Variants in DLGAP2 observed in about 807,000 individuals in gnomAD.
DLGAP2 encodes the protein disks large-associated protein 2.
DLGAP2 carries 26 observed loss-of-function variants against 100.3 expected under a neutral mutation model. The observed-to-expected ratio is 0.26, with a 90% CI of 0.19 to 0.36. The LOEUF is 0.36. Ranked by LOEUF, DLGAP2 falls within the 10% of genes least tolerant of loss-of-function variation. DLGAP2 has a pLI of 1.00. For missense variants in DLGAP2, 1,858 were observed against 1,453.2 expected (o/e 1.28, Z -4.53); for synonymous variants, 886 against 630.1 (o/e 1.41, Z -6.08).
chr8:1,355,669 G>A (rs374650218), intron 3 of DLGAP2, among the ~76,000 whole-genome samples: 22 of 152,102 alleles, frequency 1.4e-4, no homozygotes, highest in Non-Finnish European at 2.6e-4. Flanking sequence ...GGCCAAGTAC[G>A]AGTATTTTTT....
chr8:1,614,141 G>A (rs1427852154), intron 6 of DLGAP2, among the ~76,000 whole-genome samples: 1 of 152,142 alleles, frequency 6.6e-6, no homozygotes, highest in African/African-American at 2.4e-5. Flanking sequence ...CAGGGGACAT[G>A]GTGGATCATC....
intron 1 of DLGAP2, among the ~76,000 whole-genome samples, chr8:768,220 G>A (rs1223772729): frequency 6.6e-6 from 1 of 152,104 alleles, no homozygotes; most frequent in African/African-American, 2.4e-5. Context: ...GCCACATGCT[G>A]GTCAGACAGG....
intron 6 of DLGAP2, among the ~76,000 whole-genome samples, chr8:1,587,073 A>T (rs548038814): frequency 6.6e-6 from 1 of 152,328 alleles, no homozygotes; most frequent in South Asian, 2.1e-4. Flanking sequence ...ACACTGGCTT[A>T]TTGCCTGTTT....
intron 3 of DLGAP2, among the ~76,000 whole-genome samples, chr8:1,471,724 G>C (rs187236613): frequency 6.6e-6 from 1 of 152,280 alleles, no homozygotes; most frequent in African/African-American, 2.4e-5. Context: ...TCCATCAGCA[G>C]CTGGTGACGG....
chr8:1,429,337 C>A (rs1047194844), intron 3 of DLGAP2, among the ~76,000 whole-genome samples: 1 of 152,114 alleles, frequency 6.6e-6, no homozygotes, highest in Non-Finnish European at 1.5e-5. Context: ...AGTGCTGGGG[C>A]CATCCCAGCC....
At chr8:799,337 G>T (rs1439834854) in intron 1 of DLGAP2, among the ~76,000 whole-genome samples, 3 of 152,124 alleles carry the variant, frequency 2.0e-5, no homozygotes, top group African/African-American at 7.2e-5. Context: ...GTGGGCAGAG[G>T]AGGGAGTGTG....
intron 3 of DLGAP2, among the ~76,000 whole-genome samples, chr8:1,390,564 G>T (rs576394698): frequency 6.6e-6 from 1 of 152,198 alleles, no homozygotes; most frequent in South Asian, 2.1e-4. Flanking sequence ...CTGTATGCTT[G>T]CGGGCCTCTG....
At chr8:762,684 T>C (rs1247968880) in intron 1 of DLGAP2, among the ~76,000 whole-genome samples, 1 of 152,010 alleles carries the variant, frequency 6.6e-6, no homozygotes, top group Non-Finnish European at 1.5e-5. Flanking sequence ...GGTTGATTGA[T>C]TGAAGGAGAC....
chr8:1,159,439 G>C (rs764196294), intron 2 of DLGAP2, among the ~76,000 whole-genome samples: 10 of 152,152 alleles, frequency 6.6e-5, no homozygotes, highest in Non-Finnish European at 8.8e-5. Flanking sequence ...GAGATGTATC[G>C]TATGTCGACA....
intron 2 of DLGAP2, among the ~76,000 whole-genome samples, chr8:962,598 G>T (rs572820875): frequency 6.6e-6 from 1 of 152,250 alleles, no homozygotes; most frequent in Admixed American, 6.5e-5. Flanking sequence ...TCCAGCAGAG[G>T]CCCCCGCCCT....
intron 3 of DLGAP2, among the ~76,000 whole-genome samples, chr8:1,335,314 C>G (rs1221420184): frequency 6.6e-6 from 1 of 152,202 alleles, no homozygotes; most frequent in African/African-American, 2.4e-5. Flanking sequence ...CAACCTTCAG[C>G]TGGTCACTGT....
At chr8:874,939 T>G (rs1304649151) in intron 1 of DLGAP2, among the ~76,000 whole-genome samples, 1 of 152,230 alleles carries the variant, frequency 6.6e-6, no homozygotes, top group Non-Finnish European at 1.5e-5. Flanking sequence ...CATACACACA[T>G]GTACATATAT....
At chr8:1,479,570 T>C (rs1465680823) in intron 3 of DLGAP2, among the ~76,000 whole-genome samples, 2 of 152,208 alleles carry the variant, frequency 1.3e-5, no homozygotes, top group African/African-American at 4.8e-5. Flanking sequence ...GGGAAGGCTG[T>C]GCGTTTCATT....
intron 7 of DLGAP2, among the ~76,000 whole-genome samples, chr8:1,629,245 A>G (rs1432407263): frequency 6.6e-6 from 1 of 152,248 alleles, no homozygotes; most frequent in East Asian, 1.9e-4. Context: ...CAACTCAAGA[A>G]GGATACCACC....
chr8:994,187 C>G (rs1403594164), intron 2 of DLGAP2, among the ~76,000 whole-genome samples: 1 of 152,018 alleles, frequency 6.6e-6, no homozygotes, highest in Non-Finnish European at 1.5e-5. Context: ...ACCTAAACAT[C>G]CTTATGGTGT....
intron 2 of DLGAP2, among the ~76,000 whole-genome samples, chr8:1,104,586 C>T (rs1201591930): frequency 1.3e-5 from 2 of 152,138 alleles, no homozygotes; most frequent in South Asian, 2.1e-4. Flanking sequence ...CTAGCCTGGC[C>T]GAGGCGTTTG....
intron 2 of DLGAP2, among the ~76,000 whole-genome samples, chr8:1,204,983 C>T (rs1797959063): frequency 6.6e-6 from 1 of 152,120 alleles, no homozygotes; most frequent in Non-Finnish European, 1.5e-5. Context: ...CTGACAGCTC[C>T]ATTGTAACAT....
intron 8 of DLGAP2, among the ~76,000 whole-genome samples, chr8:1,648,595 C>T (rs1055603139): frequency 6.6e-6 from 1 of 152,078 alleles, no homozygotes; most frequent in Admixed American, 6.6e-5. Context: ...TCCCCAGGTC[C>T]CCTTCTGCAT....
chr8:1,103,939 G>A (rs532550536), intron 2 of DLGAP2, among the ~76,000 whole-genome samples: 1 of 152,254 alleles, frequency 6.6e-6, no homozygotes, highest in Admixed American at 6.5e-5. Flanking sequence ...GAGGATGCCA[G>A]TGATGGACCT....
Sources: gnomAD v4.1 joint callset for allele counts (sites outside exome capture counted in the v4.1 genomes callset) on GRCh38, gnomAD v4.1.1 for gene constraint, MANE v1.5 for transcripts, NCBI Gene and HGNC (gene_info 2026-07-23, HGNC 2026-07-21) for gene names.